Variants in PCDHGA4 observed in about 807,000 individuals in gnomAD.
PCDHGA4 encodes the protein protocadherin gamma-A4.
A neutral mutation model predicts 54.6 loss-of-function variants in PCDHGA4; 38 were observed. That is an observed-to-expected ratio of 0.70 (90% CI 0.54 to 0.91). The LOEUF is 0.91. Among genes scored for constraint, PCDHGA4 ranks in the 40% least tolerant of loss-of-function variants. The pLI is 0.00. For missense variants in PCDHGA4, 1,298 were observed against 1,220.9 expected (o/e 1.06, Z -0.94); for synonymous variants, 511 against 512.9 (o/e 1.00, Z 0.05).
chr5:141,366,934 G>A, intron 1 of PCDHGA4: 1 of 893,774 alleles, frequency 1.1e-6, no homozygotes, highest in Non-Finnish European at 1.6e-6. Flanking sequence ...GTTTTGGGAA[G>A]TCTAGCTGAT....
intron 1 of PCDHGA4, chr5:141,492,023 C>T: frequency 1.8e-6 from 1 of 564,804 alleles, no homozygotes; most frequent in Non-Finnish European, 3.0e-6. Context: ...TCGGGGGTCC[C>T]GGGAGGAGGC....
chr5:141,505,246 G>C, intron 2 of PCDHGA4, 147 bp from the exon 3 acceptor site: 2 of 1,436,674 alleles, frequency 1.4e-6, no homozygotes, highest in Non-Finnish European at 1.9e-6. Flanking sequence ...AAGGATTGTA[G>C]AAGTGCCTCC....
At chr5:141,427,480 A>G in intron 1 of PCDHGA4, 1 of 531,758 alleles carries the variant, frequency 1.9e-6, no homozygotes, top group South Asian at 1.5e-5. Context: ...GCCAATAATG[A>G]CTATAAGCTT....
At chr5:141,501,510 T>A (rs11744379) in intron 2 of PCDHGA4, among the ~76,000 whole-genome samples, 1 of 151,824 alleles carries the variant, frequency 6.6e-6, no homozygotes, top group African/African-American at 2.4e-5. Flanking sequence ...CTCCAAGGCC[T>A]CCAAGCTGAA....
At position 141,486,002 on chromosome 5, in the gene PCDHGA4, G is replaced by A. The variant is rs372373315; in HGVS notation, c.2515-8805G>A. ...CCCGGACCTGGGTCCCAGTGGTAAC[G>A]TCACCTTTTATTTCAGTGGTCATAC... On this transcript the variant is annotated intron_variant, in intron 1 of 3. Coordinates refer to ENST00000571252, the MANE Select transcript of PCDHGA4 (RefSeq NM_018917.4). The surrounding 1 kb of genome is among the most constrained non-coding windows in gnomAD (Gnocchi z 5.0). 2.0e-5 allele frequency: 33 copies of A among 1,614,030 alleles called. No homozygotes were observed. The highest frequency in any genetic ancestry group is 2.8e-5 in the Non-Finnish European group (33 of 1,180,014).
intron 2 of PCDHGA4, among the ~76,000 whole-genome samples, chr5:141,497,540 CT>C (rs754207034): frequency 0.18 from 24,498 of 134,808 alleles, 2,020 homozygotes; most frequent in African/African-American, 0.21. Flanking sequence ...TGCAACAAAC[CT>C]TTTTTTTTTT....
intron 1 of PCDHGA4, chr5:141,413,249 G>A (rs756270877): frequency 6.8e-6 from 11 of 1,613,832 alleles, no homozygotes; most frequent in Non-Finnish European, 9.3e-6. Flanking sequence ...CTTTTCTTCG[G>A]GATTCCATGG....
At chr5:141,414,042 T>A (rs758538745) in intron 1 of PCDHGA4, 1 of 1,611,324 alleles carries the variant, frequency 6.2e-7, no homozygotes, top group South Asian at 1.1e-5. Flanking sequence ...GAAAATTACC[T>A]GACACGCAAT....
At chr5:141,428,058 G>A (rs752468507) in intron 1 of PCDHGA4, 4 of 1,609,140 alleles carry the variant, frequency 2.5e-6, no homozygotes, top group South Asian at 1.1e-5. Flanking sequence ...GGTGGTGGCG[G>A]TGGACGCAGA....
At position 141,357,006 on chromosome 5, in the gene PCDHGA4, C is replaced by T. The variant is rs1335226609; in HGVS notation, c.1899C>T (p.Ala633=). The T allele has an allele frequency of 1.2e-6, 2 of 1,614,158 alleles. No homozygotes were observed. The highest frequency in any genetic ancestry group is 1.7e-6 in the Non-Finnish European group (2 of 1,180,004). Residue 633 remains alanine, a synonymous_variant, in exon 1 of 4, where the codon GCC becomes GCT. Transcript: ENST00000571252. ...VAVDRDSGQN[A]WLSYSLLKSS... ...TGGACAGAGACTCAGGTCAGAATGCCTGGCTGTCCTACAGCCTACTCAAGT... is the reference window on the plus strand; with the variant it reads ...TGGACAGAGACTCAGGTCAGAATGCTTGGCTGTCCTACAGCCTACTCAAGT...
rs553126235 is a variant in PCDHGA4 at position 141,473,346 on chromosome 5, G to A, written c.2515-21461G>A. Reference sequence around the variant, plus strand: ...AAGTGCCTGCTGTGCTAGACAGTGAGGATGCAAGTGGCCACCAAAATAGCA... The same window carrying A: ...AAGTGCCTGCTGTGCTAGACAGTGAAGATGCAAGTGGCCACCAAAATAGCA... On this transcript the variant is annotated intron_variant, in intron 1 of 3. Transcript: ENST00000571252. Among the ~76,000 whole-genome samples, 9 of 152,310 alleles carry A rather than the reference G, an allele frequency of 5.9e-5. No individual in the cohort carries two copies. The East Asian group carries it at 1.5e-3, about 26-fold the overall frequency.
At chr5:141,414,520 A>G in intron 1 of PCDHGA4, 1 of 1,613,990 alleles carries the variant, frequency 6.2e-7, no homozygotes, top group Non-Finnish European at 8.5e-7. Flanking sequence ...AGTGGCAGAT[A>G]TCAATGACAA....
At chr5:141,438,548 C>T (rs1423036586) in intron 1 of PCDHGA4, among the ~76,000 whole-genome samples, 2 of 135,792 alleles carry the variant, frequency 1.5e-5, no homozygotes, top group Non-Finnish European at 3.1e-5. Context: ...ATATCTAAGC[C>T]CTAATAAGAG....
chr5:141,497,218 GA>G (rs1172998466), intron 2 of PCDHGA4, among the ~76,000 whole-genome samples: 1 of 149,792 alleles, frequency 6.7e-6, no homozygotes, highest in Non-Finnish European at 1.5e-5. Flanking sequence ...ATGGGGGGGG[GA>G]AGATCAGAGA....
chr5:141,460,983 G>GTGTATA (rs1554142949), intron 1 of PCDHGA4, among the ~76,000 whole-genome samples: 24 of 137,844 alleles, frequency 1.7e-4, no homozygotes, highest in African/African-American at 5.4e-4. Context: ...GTGTGTGTGT[G>GTGTATA]TATATATATA....
At chr5:141,370,525 G>C in intron 1 of PCDHGA4, 1 of 1,613,874 alleles carries the variant, frequency 6.2e-7, no homozygotes, top group Non-Finnish European at 8.5e-7. Flanking sequence ...CTGGACAGGG[G>C]CTCGCTGGTA....
In PCDHGA4 at chr5:141,355,865, G is replaced by C; in HGVS notation, c.758G>C (p.Arg253Pro). Reference protein sequence around the residue: ...LTAFDGGDPVRSGTARILIIL... With the variant: ...LTAFDGGDPVPSGTARILIIL... The stretch of plus-strand genomic sequence containing the variant: ...GCCTTCGATGGAGGTGACCCGGTTC[G>C]CTCTGGCACTGCCAGGATTCTCATA... The change falls in exon 1 of 4, where the codon CGC becomes CCC. Residue 253 changes from arginine (R) to proline (P), a missense_variant. By Grantham distance (103) the Arg-to-Pro change is moderately radical. Coordinates refer to ENST00000571252, the MANE Select transcript of PCDHGA4 (RefSeq NM_018917.4). 1 of 1,612,652 alleles carries C rather than the reference G, an allele frequency of 6.2e-7. No individual in the cohort carries two copies. Among genetic ancestry groups the C allele is most frequent in the Non-Finnish European group, 8.5e-7 (1 of 1,179,278 alleles).
chr5:141,403,685 C>A, intron 1 of PCDHGA4: 1 of 1,613,822 alleles, frequency 6.2e-7, no homozygotes, highest in Non-Finnish European at 8.5e-7. Flanking sequence ...TTTTGCTCAA[C>A]GGATTTACCG....
At chr5:141,403,225 C>T (rs2154532251) in intron 1 of PCDHGA4, 2 of 1,613,958 alleles carry the variant, frequency 1.2e-6, no homozygotes, top group Non-Finnish European at 1.7e-6. Flanking sequence ...GTAGGATAGA[C>T]CGGGAGGAGC....
Sources: gnomAD v4.1 joint callset for allele counts (sites outside exome capture counted in the v4.1 genomes callset) on GRCh38, gnomAD v4.1.1 for gene constraint, Gnocchi (gnomAD v3.1) non-coding constraint, MANE v1.5 for transcripts, NCBI Gene and HGNC (gene_info 2026-07-23, HGNC 2026-07-21) for gene names.